FBXO27: variants seen among roughly 807,000 people sequenced by gnomAD.
FBXO27 encodes F-box only protein 27.
A neutral mutation model predicts 28.3 loss-of-function variants in FBXO27; 28 were observed. The ratio of observed to expected loss-of-function variants is 0.99; its 90% CI spans 0.73 to 1.36. FBXO27 has a LOEUF of 1.36. Ranked by LOEUF, FBXO27 falls within the 40% of genes most tolerant of loss-of-function variation. The probability of loss-of-function intolerance (pLI) is 0.00; values close to 1 mark genes in which losing one functional copy is unlikely to be tolerated. For missense variants in FBXO27, 388 were observed against 394.1 expected (o/e 0.98, Z 0.13); for synonymous variants, 175 against 167.3 (o/e 1.05, Z -0.36).
At chr19:39,015,866 T>G (rs980587781) in intron 1 of FBXO27, among the ~76,000 whole-genome samples, 1 of 150,788 alleles carries the variant, frequency 6.6e-6, no homozygotes, top group East Asian at 2.0e-4. Flanking sequence ...AGGTGAGGAG[T>G]TCAAGACCAG....
In FBXO27 at chr19:39,016,353, GGGAA is replaced by G. The variant is rs577679834; in HGVS notation, c.92-1810_92-1807del. ...CACTCTGGTGGGGGATGTTGATAGC[GGGAA>G]GGGTGTGTGTGTGTGTGTGCGTGAG... is the stretch of plus-strand genomic sequence containing the variant. On this transcript the variant is annotated intron_variant, in intron 1 of 2. Coordinates refer to the FBXO27 transcript ENST00000598394. 6.7e-5 allele frequency among the ~76,000 whole-genome samples: 10 copies of G among 149,336 alleles called. No individual in the cohort carries two copies. The East Asian group carries it at 1.9e-3, about 29-fold the overall frequency.
intron 5 of FBXO27, 40 bp downstream of exon 5, chr19:39,026,830 C>T (rs768274729): frequency 6.2e-7 from 1 of 1,611,598 alleles, no homozygotes; most frequent in Non-Finnish European, 8.5e-7. Flanking sequence ...CAGCAATAGG[C>T]CCCCAGCATC....
chr19:39,011,246 C>T (rs2072792522), intron 2 of FBXO27, among the ~76,000 whole-genome samples: 1 of 152,202 alleles, frequency 6.6e-6, no homozygotes, highest in Admixed American at 6.5e-5. Flanking sequence ...CCCTGGGCAA[C>T]ATGGTGAAAC....
At chr19:39,020,726 G>A (rs1339816616), downstream of FBXO27, among the ~76,000 whole-genome samples, 3 of 116,800 alleles carry the variant, frequency 2.6e-5, no homozygotes, top group African/African-American at 1.0e-4. Context: ...AGCCAATCAA[G>A]GAAATCATTA....
chr19:39,031,387 G>T, intron 2 of FBXO27, 67 bp from the exon 3 acceptor site: 1 of 1,404,368 alleles, frequency 7.1e-7, no homozygotes, highest in Non-Finnish European at 9.9e-7. Context: ...GTGAGACCCC[G>T]CCCCTAGCCC....
chr19:39,007,076 A>AAAAC (rs1481907993), intron 2 of FBXO27, among the ~76,000 whole-genome samples: 1 of 146,894 alleles, frequency 6.8e-6, no homozygotes, highest in Non-Finnish European at 1.5e-5. Context: ...AAAAAAAAAA[A>AAAAC]AATACAGAAA....
chr19:39,026,373 G>A (rs1600227517), intron 5 of FBXO27, among the ~76,000 whole-genome samples: 2 of 152,194 alleles, frequency 1.3e-5, no homozygotes, highest in East Asian at 3.8e-4. Context: ...GGCATCATCA[G>A]AATGTCACTG....
chr19:39,026,969 T>G lies in FBXO27; in HGVS notation c.609A>C (p.Arg203Ser). The G allele has an allele frequency of 6.2e-7, 1 of 1,613,838 alleles. No homozygotes were observed. Among genetic ancestry groups the G allele is most frequent in the Non-Finnish European group, 8.5e-7 (1 of 1,179,976 alleles). Residue 203 changes from arginine (R) to serine (S), a missense_variant, in exon 5 of 6, where the codon AGA becomes AGC. Transcript: ENST00000292853. The stretch of plus-strand genomic sequence containing the variant: ...TGGCGTCTAGAAGTTGGACGAGGAG[T>G]CTGTACATACAGCCGCTGTCGTGTC... ...GARHDSGCMY[R>S]LLVQLLDANQ...
At chr19:39,030,143 G>A (rs374730831) in intron 4 of FBXO27, among the ~76,000 whole-genome samples, 6 of 152,236 alleles carry the variant, frequency 3.9e-5, no homozygotes, top group African/African-American at 1.2e-4. Context: ...TGCCCAGACT[G>A]CCATCTCCCC....
intron 2 of FBXO27, among the ~76,000 whole-genome samples, chr19:39,007,114 GC>G (rs1452171266): frequency 6.6e-6 from 1 of 151,132 alleles, no homozygotes; most frequent in Non-Finnish European, 1.5e-5. Context: ...CACACGTGGT[GC>G]CCCCTGGAGA....
intron 4 of FBXO27, among the ~76,000 whole-genome samples, chr19:39,027,345 A>T (rs2144900272): frequency 6.6e-6 from 1 of 152,312 alleles, no homozygotes; most frequent in South Asian, 2.1e-4. Flanking sequence ...GAGATTAACC[A>T]CGTGGGCAAT....
At chr19:39,010,958 T>G (rs2144881126) in intron 2 of FBXO27, among the ~76,000 whole-genome samples, 1 of 152,366 alleles carries the variant, frequency 6.6e-6, no homozygotes, top group Middle Eastern at 3.4e-3. Flanking sequence ...CAACATTACT[T>G]ATGCCAGGAC....
At chr19:39,018,807 G>A (rs961490046) in intron 1 of FBXO27, among the ~76,000 whole-genome samples, 27 of 152,070 alleles carry the variant, frequency 1.8e-4, no homozygotes, top group African/African-American at 5.6e-4. Context: ...GATGGCTCAC[G>A]CCTGGAATCC....
intron 2 of FBXO27, among the ~76,000 whole-genome samples, chr19:39,013,096 C>A (rs1424036061): frequency 2.6e-5 from 4 of 152,182 alleles, no homozygotes; most frequent in African/African-American, 7.2e-5. Context: ...CTGGGGACCG[C>A]TGCATCAGTA....
At chr19:39,018,877 T>C (rs1386218802) in intron 1 of FBXO27, among the ~76,000 whole-genome samples, 3 of 151,000 alleles carry the variant, frequency 2.0e-5, no homozygotes, top group Admixed American at 6.6e-5. Context: ...GAGACCAGCC[T>C]GGCCAACGTG....
In FBXO27 at chr19:39,031,338, C is replaced by A. The variant is rs368768623; in HGVS notation, c.365-18G>T. 2.7e-4 allele frequency: 429 copies of A among 1,612,650 alleles called. 2 individuals are homozygous for A. Among genetic ancestry groups the A allele is most frequent in the Non-Finnish European group, 3.3e-4 (389 of 1,179,086 alleles). On this transcript the variant is annotated intron_variant, in intron 2 of 5. Coordinates refer to ENST00000292853, the MANE Select transcript of FBXO27 (RefSeq NM_178820.5). ...GAGGCCTTCTGTGAAATAAAAAAGG[C>A]TTGTGCCCAAGTTCCAGTCGCCCGC...
At chr19:39,030,124 G>A (rs2072894231) in intron 4 of FBXO27, among the ~76,000 whole-genome samples, 1 of 152,028 alleles carries the variant, frequency 6.6e-6, no homozygotes, top group Admixed American at 6.6e-5. Flanking sequence ...TTACAGGCAT[G>A]AGCCACCGTG....
intron 1 of FBXO27, among the ~76,000 whole-genome samples, chr19:39,018,551 C>T (rs1449384324): frequency 6.6e-6 from 1 of 152,066 alleles, no homozygotes; most frequent in African/African-American, 2.4e-5. Flanking sequence ...ATGAAACTGA[C>T]AGTGCTCCCA....
At chr19:39,031,684 C>T (rs10418516) in intron 2 of FBXO27, among the ~76,000 whole-genome samples, 180 bp downstream of exon 2, 152 of 53,428 alleles carry the variant, frequency 2.8e-3, no homozygotes, top group Middle Eastern at 0.013. Context: ...CTGCCCCGCC[C>T]CTCCGGCACC....
Sources: allele counts gnomAD v4.1 joint callset (sites outside exome capture counted in the v4.1 genomes callset), GRCh38; gene constraint gnomAD v4.1.1; transcripts MANE v1.5; gene names NCBI Gene and HGNC (gene_info 2026-07-23, HGNC 2026-07-21).